The following PDIA5 variants were observed in gnomAD, a reference collection of about 807,000 sequenced individuals.
PDIA5 encodes protein disulfide-isomerase A5.
PDIA5 carries 58 observed loss-of-function variants against 77.6 expected under a neutral mutation model. That is an observed-to-expected ratio of 0.75 (90% CI 0.61 to 0.93). The LOEUF (loss-of-function observed/expected upper bound fraction) is 0.93. Among genes scored for constraint, PDIA5 ranks in the 40% least tolerant of loss-of-function variants. The pLI, the probability that PDIA5 is intolerant of heterozygous loss-of-function variation, is 0.00. For missense variants in PDIA5, 630 were observed against 647.7 expected, an observed-to-expected ratio of 0.97 and a Z score of 0.30; for synonymous variants, 250 against 252.1, an observed-to-expected ratio of 0.99 and a Z score of 0.08.
At chr3:123,078,400 T>G (rs1053772204) in intron 1 of PDIA5, among the ~76,000 whole-genome samples, 2 of 152,196 alleles carry the variant, frequency 1.3e-5, no homozygotes, top group African/African-American at 4.8e-5. Context: ...GCCTCTTTCT[T>G]TCCTTTTTTT....
intron 1 of PDIA5, among the ~76,000 whole-genome samples, chr3:123,071,997 G>A (rs1451375523): frequency 6.6e-6 from 1 of 152,094 alleles, no homozygotes; most frequent in Non-Finnish European, 1.5e-5. Flanking sequence ...CTGAAAAAGT[G>A]GATCGTAAAG....
intron 11 of PDIA5, among the ~76,000 whole-genome samples, chr3:123,143,427 G>A (rs1313316256): frequency 2.0e-5 from 3 of 149,688 alleles, no homozygotes; most frequent in African/African-American, 7.4e-5. Context: ...CTGGTACCTA[G>A]AGCCCAGCAT....
chr3:123,141,515 G>T (rs1341964650), intron 11 of PDIA5, among the ~76,000 whole-genome samples: 2 of 152,188 alleles, frequency 1.3e-5, no homozygotes, highest in African/African-American at 4.8e-5. Context: ...CGCCACAGGA[G>T]AGTCTCTGAG....
At chr3:123,146,283 A>T in intron 13 of PDIA5, 24 bp downstream of exon 13, 1 of 1,605,918 alleles carries the variant, frequency 6.2e-7, no homozygotes, top group Non-Finnish European at 8.5e-7. Context: ...TCTCAGTAGC[A>T]CATCCTAACT....
At chr3:123,114,310 G>A (rs986309654) in intron 7 of PDIA5, among the ~76,000 whole-genome samples, 9 of 152,206 alleles carry the variant, frequency 5.9e-5, no homozygotes, top group Admixed American at 1.3e-4. Context: ...CCTGGGGAGT[G>A]CAGCGACATC....
intron 1 of PDIA5, among the ~76,000 whole-genome samples, chr3:123,087,573 A>G (rs1934175408): frequency 6.6e-6 from 1 of 151,496 alleles, no homozygotes; most frequent in South Asian, 2.1e-4. Context: ...TCTTCATAAC[A>G]TTCTATTCTT....
intron 1 of PDIA5, among the ~76,000 whole-genome samples, chr3:123,075,114 T>C (rs1933818898): frequency 6.6e-6 from 1 of 152,188 alleles, no homozygotes; most frequent in African/African-American, 2.4e-5. Flanking sequence ...GATTATATCC[T>C]CTTTTTTAGG....
chr3:123,120,522 G>C (rs576129949), intron 8 of PDIA5, among the ~76,000 whole-genome samples: 1 of 152,220 alleles, frequency 6.6e-6, no homozygotes, highest in Admixed American at 6.5e-5. Context: ...CCAAGGTTCC[G>C]CTTTCCTGTT....
intron 12 of PDIA5, among the ~76,000 whole-genome samples, 167 bp downstream of exon 12, chr3:123,145,759 A>AG (rs1440946942): frequency 1.3e-5 from 2 of 152,146 alleles, no homozygotes; most frequent in African/African-American, 2.4e-5. Context: ...GGGATCCTAG[A>AG]GGGGGCAGAA....
At chr3:123,141,430 G>C (rs1707737373) in intron 11 of PDIA5, among the ~76,000 whole-genome samples, 1 of 152,256 alleles carries the variant, frequency 6.6e-6, no homozygotes, top group Non-Finnish European at 1.5e-5. Flanking sequence ...TCTCAGGGCA[G>C]TGGACCTTTG....
chr3:123,107,786 C>G (rs1934771136), intron 6 of PDIA5, among the ~76,000 whole-genome samples: 1 of 152,152 alleles, frequency 6.6e-6, no homozygotes, highest in African/African-American at 2.4e-5. Context: ...TCTCCCCTTT[C>G]CTTTAAAATT....
intron 3 of PDIA5, among the ~76,000 whole-genome samples, chr3:123,099,195 C>G (rs1407381165): frequency 6.6e-6 from 1 of 152,228 alleles, no homozygotes; most frequent in African/African-American, 2.4e-5. Flanking sequence ...GCTCAATAGA[C>G]AGAGCCCAGA....
chr3:123,075,011 A>G (rs1405752999), intron 1 of PDIA5, among the ~76,000 whole-genome samples: 1 of 152,222 alleles, frequency 6.6e-6, no homozygotes, highest in Non-Finnish European at 1.5e-5. Flanking sequence ...GTAGGATGCA[A>G]ATTATTTCTG....
intron 2 of PDIA5, among the ~76,000 whole-genome samples, chr3:123,091,595 T>C (rs1459767826): frequency 2.6e-5 from 4 of 152,158 alleles, no homozygotes; most frequent in Non-Finnish European, 5.9e-5. Context: ...CCGGGTGCCT[T>C]GCCCTGACCC....
rs189084245 is a variant in PDIA5, at chr3:123,087,910, A to G, written c.43-1258A>G. On this transcript the variant is annotated intron_variant, in intron 1 of 16. Coordinates refer to ENST00000316218, the MANE Select transcript of PDIA5 (RefSeq NM_006810.4). The stretch of plus-strand genomic sequence containing the variant: ...TTAGGTTGTTTTTCTTATGCTCCTC[A>G]GTTTCCCCAGAGGGAAATTCTCTAA... Among the ~76,000 whole-genome samples, 14 of 152,292 alleles carry G rather than the reference A, an allele frequency of 9.2e-5. No individual in the cohort carries two copies. The East Asian group carries it at 2.3e-3, about 25-fold the overall frequency.
intron 11 of PDIA5, 177 bp from the exon 12 acceptor site, chr3:123,145,345 T>A: frequency 1.7e-6 from 1 of 576,246 alleles, no homozygotes; most frequent in East Asian, 2.9e-5. Context: ...ACCTTCCCAC[T>A]ACCCCAACCC....
intron 15 of PDIA5, among the ~76,000 whole-genome samples, chr3:123,156,326 G>A (rs1936019287): frequency 1.3e-5 from 2 of 152,332 alleles, no homozygotes; most frequent in South Asian, 4.1e-4. Flanking sequence ...GAAAGCCCTG[G>A]CTGCGGCTTT....
intron 11 of PDIA5, among the ~76,000 whole-genome samples, chr3:123,133,062 T>C (rs1024998128): frequency 1.3e-5 from 2 of 152,190 alleles, no homozygotes; most frequent in African/African-American, 4.8e-5. Context: ...AAGAGCATGG[T>C]CTTTAGCCTA....
intron 3 of PDIA5, among the ~76,000 whole-genome samples, chr3:123,096,832 C>T (rs1284633221): frequency 1.3e-5 from 2 of 152,328 alleles, no homozygotes; most frequent in East Asian, 3.9e-4. Flanking sequence ...GTATTCCCCT[C>T]GTGCCCTGCC....
Sources: gnomAD v4.1 joint callset for allele counts (sites outside exome capture counted in the v4.1 genomes callset) on GRCh38, gnomAD v4.1.1 for gene constraint, MANE v1.5 for transcripts, NCBI Gene and HGNC (gene_info 2026-07-23, HGNC 2026-07-21) for gene names.